Variants in SPAG9 observed in about 807,000 individuals in gnomAD.
SPAG9 encodes sperm associated antigen 9.
A neutral mutation model predicts 166.5 loss-of-function variants in SPAG9; 35 were observed. The observed-to-expected ratio is 0.21, with a 90% CI of 0.16 to 0.28. The LOEUF (loss-of-function observed/expected upper bound fraction) is 0.28, where lower values mean the gene tolerates loss of function less well. SPAG9 is among the 10% of genes least tolerant of loss of function. SPAG9 has a pLI of 1.00. For synonymous variants in SPAG9, 534 were observed against 565.5 expected, an observed-to-expected ratio of 0.94 and a Z score of 0.79; for missense variants, 1,235 against 1,603.3, an observed-to-expected ratio of 0.77 and a Z score of 3.92.
At chr17:51,090,620 T>C (rs1225829254) in intron 1 of SPAG9, among the ~76,000 whole-genome samples, 1 of 152,212 alleles carries the variant, frequency 6.6e-6, no homozygotes. Flanking sequence ...CTATGTTCTA[T>C]TGATTGAAAT....
chr17:50,986,557 G>C (rs1975063225), intron 22 of SPAG9, among the ~76,000 whole-genome samples: 1 of 152,202 alleles, frequency 6.6e-6, no homozygotes, highest in Non-Finnish European at 1.5e-5. Context: ...TTGGATTAGA[G>C]ATGCTCAACA....
chr17:51,115,037 C>T (rs983827848), intron 1 of SPAG9, among the ~76,000 whole-genome samples: 5 of 152,054 alleles, frequency 3.3e-5, no homozygotes, highest in East Asian at 1.9e-4. Flanking sequence ...ATGAGTCTTA[C>T]GGGTCCCATG....
chr17:51,060,838 G>T (rs975854111), intron 2 of SPAG9, among the ~76,000 whole-genome samples: 18 of 146,834 alleles, frequency 1.2e-4, no homozygotes, highest in African/African-American at 4.1e-4. Context: ...AGAGAAAAGG[G>T]TTTTTTTTGT....
At chr17:51,079,145 C>T (rs2048094477) in intron 2 of SPAG9, among the ~76,000 whole-genome samples, 1 of 151,838 alleles carries the variant, frequency 6.6e-6, no homozygotes, top group African/African-American at 2.4e-5. Context: ...AGGTCTCACT[C>T]TTGAGTCTGG....
chr17:51,053,857 A>G (rs1015221827), intron 3 of SPAG9, among the ~76,000 whole-genome samples: 12 of 36,542 alleles, frequency 3.3e-4, no homozygotes, highest in African/African-American at 1.7e-3. Context: ...AAAAAAAAGT[A>G]TATATATATA....
At position 50,998,620 on chromosome 17, in the gene SPAG9, A is replaced by G. The variant is rs966520268; in HGVS notation, c.1665-3T>C. On this transcript the variant is annotated splice_region_variant and splice_polypyrimidine_tract_variant and intron_variant, in intron 14 of 29. Coordinates refer to ENST00000262013, the MANE Select transcript of SPAG9 (RefSeq NM_001130528.3). The stretch of plus-strand genomic sequence containing the variant: ...AGGAGCTGAAAAGTCGGCTGAAACT[A>G]AAAGAAGACAGTATGTCTGTGTGTC... 5 of 1,613,872 alleles carry G rather than the reference A, an allele frequency of 3.1e-6. No homozygotes were observed.
rs1465382672 is a variant in SPAG9, at chr17:51,021,380, A to C, written c.784-15T>G. 1 of 1,570,016 alleles carries C rather than the reference A, an allele frequency of 6.4e-7. No individual in the cohort carries two copies. The highest frequency in any genetic ancestry group is 1.2e-5 in the South Asian group (1 of 83,618). ...GAAAGCTCATCCTACAAATAAAAAT[A>C]ATTTAAAATAAAATTTTAAATGACG... On this transcript the variant is annotated splice_polypyrimidine_tract_variant and intron_variant, in intron 6 of 29. Coordinates refer to ENST00000262013, the MANE Select transcript of SPAG9 (RefSeq NM_001130528.3).
chr17:51,093,069 T>TAAA (rs533198690), intron 1 of SPAG9, among the ~76,000 whole-genome samples: 3 of 101,134 alleles, frequency 3.0e-5, no homozygotes, highest in Admixed American at 1.1e-4. Flanking sequence ...GATATTTCTG[T>TAAA]AAAAAAAAAA....
In SPAG9 at chr17:51,107,364, A is replaced by G. The variant is rs117489343; in HGVS notation, c.303+12990T>C. Among the ~76,000 whole-genome samples the G allele has an allele frequency of 5.7e-4, 86 of 152,158 alleles. No individual in the cohort carries two copies. The East Asian group carries it at 0.015, about 27-fold the overall frequency. ...GGAGTTTGAGACCAGCCTGGGCAAC[A>G]TAGTCTGACCCCCATCCCTACCAAA... is the stretch of plus-strand genomic sequence containing the variant. On this transcript the variant is annotated intron_variant, in intron 1 of 29. Transcript: ENST00000262013.
At chr17:51,077,585 T>C (rs35647131) in intron 2 of SPAG9, among the ~76,000 whole-genome samples, 36,368 of 152,104 alleles carry the variant, frequency 0.24, 5,189 homozygotes, top group Admixed American at 0.34. Context: ...CATAGTAATG[T>C]GACTACAGTA....
chr17:51,085,149 A>G (rs564250094), intron 1 of SPAG9: 15 of 152,384 alleles, frequency 9.8e-5, no homozygotes, highest in Admixed American at 3.3e-4. Flanking sequence ...CACCCAGCCC[A>G]GAAATTCTTA....
At chr17:50,985,674 A>C (rs1384819226) in intron 23 of SPAG9, 24 bp downstream of exon 23, 2 of 1,388,266 alleles carry the variant, frequency 1.4e-6, no homozygotes, top group East Asian at 4.6e-5. Flanking sequence ...TTTTAACAAG[A>C]AGAATTTCCA....
Position 51,014,345 on chromosome 17 carries a change from G to A in SPAG9, c.1100C>T (p.Thr367Ile), listed in dbSNP as rs535489706. 2 of 1,609,844 alleles carry A rather than the reference G, an allele frequency of 1.2e-6. No individual in the cohort carries two copies. The highest frequency in any genetic ancestry group is 2.7e-5 in the African/African-American group (2 of 74,866). Residue 367 changes from threonine to isoleucine, a missense_variant, in exon 9 of 30, where the codon ACC becomes ATC. By Grantham distance (89) the Thr-to-Ile change is moderately conservative (BLOSUM62 -1). Around this residue, in one of 6 missense-constraint regions of SPAG9, gnomAD observed 288 missense variants for 323.7 expected, o/e 0.89. Transcript: ENST00000262013. ...AAAAGCTTTGTTCTCTATGCCTTTG[G>A]TGGGAGTGCTATGCAACAAGAACAA... ...LSGYKGSSTP[T>I]KGIENKAFDR...
chr17:51,076,318 G>A (rs1342085660), intron 2 of SPAG9, among the ~76,000 whole-genome samples: 1 of 152,010 alleles, frequency 6.6e-6, no homozygotes, highest in African/African-American at 2.4e-5. Context: ...AGTTACTCAG[G>A]AGGCTGAGGC....
chr17:51,077,021 T>TCTAGCTAGCTAGCTATCTAGCTAGCTAG (rs1249662126), intron 2 of SPAG9, among the ~76,000 whole-genome samples: 7 of 76,122 alleles, frequency 9.2e-5, no homozygotes, highest in Admixed American at 4.8e-4. Context: ...TAGCTAGCTA[T>TCTAGCTAGCTAGCTATCTAGCTAGCTAG]CTAGCTATCT....
chr17:51,099,672 T>C (rs1296572530), intron 1 of SPAG9, among the ~76,000 whole-genome samples: 1 of 150,052 alleles, frequency 6.7e-6, no homozygotes, highest in Non-Finnish European at 1.5e-5. Flanking sequence ...ATCTTACATT[T>C]CTGACTTTAA....
In SPAG9 at chr17:51,056,400, C is replaced by CT; in HGVS notation, c.495+11dup. The stretch of plus-strand genomic sequence containing the variant: ...CAATAATAGCATGGTAATGAAAAAC[C>CT]TAGAAACCCACCTCAGTGTGTCTTT... On this transcript the variant is annotated intron_variant, in intron 3 of 29. Coordinates refer to ENST00000262013, the MANE Select transcript of SPAG9 (RefSeq NM_001130528.3). 1 of 1,544,950 alleles carries CT rather than the reference C, an allele frequency of 6.5e-7. No individual in the cohort carries two copies. The highest frequency in any genetic ancestry group is 8.9e-7 in the Non-Finnish European group (1 of 1,118,742).
Position 51,011,990 on chromosome 17 carries a change from A to G in SPAG9, c.1213+2242T>C, listed in dbSNP as rs528757341. Among the ~76,000 whole-genome samples, 27 of 152,340 alleles carry G rather than the reference A, an allele frequency of 1.8e-4. No homozygotes were observed. In the South Asian group the frequency reaches 5.6e-3, roughly 32 times the overall value. ...TAAACATTTTATCACTCATTACTGC[A>G]TTATGAGGTAACACAGTGTACAAAT... On this transcript the variant is annotated intron_variant, in intron 9 of 29. Transcript: ENST00000262013.
intron 27 of SPAG9, 132 bp from the exon 28 acceptor site, chr17:50,975,079 C>T (rs1485352144): frequency 1.1e-5 from 8 of 749,448 alleles, no homozygotes; most frequent in Non-Finnish European, 1.7e-5. Context: ...ATGGCAATGC[C>T]AATTCAAGAC....
Sources: gnomAD v4.1 joint callset for allele counts (sites outside exome capture counted in the v4.1 genomes callset) on GRCh38, gnomAD v4.1.1 for gene constraint, gnomAD v4.1.1 regional missense constraint, MANE v1.5 for transcripts, NCBI Gene and HGNC (gene_info 2026-07-23, HGNC 2026-07-21) for gene names.